Variants in STARD13 observed in about 807,000 individuals in gnomAD.
STARD13 encodes the protein stAR-related lipid transfer protein 13.
In STARD13, 62 loss-of-function variants were observed where a neutral mutation model predicts 106.4. The observed-to-expected ratio is 0.58, with a 90% CI of 0.48 to 0.72. STARD13 has a LOEUF of 0.72. Ranked by LOEUF, STARD13 falls within the 30% of genes least tolerant of loss-of-function variation. The pLI, the probability that STARD13 is intolerant of heterozygous loss-of-function variation, is 0.00. For missense variants in STARD13, 1,387 were observed against 1,424.0 expected (o/e 0.97, Z 0.42); for synonymous variants, 565 against 553.0 (o/e 1.02, Z -0.31).
chr13:33,153,200 T>C (rs962434981), intron 3 of STARD13, among the ~76,000 whole-genome samples: 1 of 152,176 alleles, frequency 6.6e-6, no homozygotes, highest in African/African-American at 2.4e-5. Context: ...TCCTGCTCAG[T>C]ACAAGGCCAT....
the STARD13 span, among the ~76,000 whole-genome samples, chr13:33,488,512 A>G: frequency 4.6e-5 from 7 of 152,174 alleles, no homozygotes; most frequent in South Asian, 2.1e-4. Flanking sequence ...AAAATCTTCA[A>G]TGGATCCCAA....
chr13:33,118,108 A>T lies in STARD13; in HGVS notation c.2238T>A (p.Leu746=), dbSNP rs757769631. The T allele has an allele frequency of 3.1e-6, 5 of 1,614,098 alleles. No homozygotes were observed. The highest frequency in any genetic ancestry group is 1.6e-4 in the Middle Eastern group (1 of 6,084). Residue 746 remains leucine (L), a synonymous_variant, in exon 8 of 14, where the codon CTT becomes CTA. Coordinates refer to ENST00000336934, the MANE Select transcript of STARD13 (RefSeq NM_178006.4). ...KQFFRDLPEP[L]FTNKLSETFL... is the part of the protein sequence containing the mutation. ...AGGTCTCACTGAGCTTGTTGGTGAA[A>T]AGAGGCTCAGGGAGGTCCCGGAAGA...
chr13:33,665,959 T>C, the STARD13 span, among the ~76,000 whole-genome samples: 1 of 152,176 alleles, frequency 6.6e-6, no homozygotes, highest in Non-Finnish European at 1.5e-5. Context: ...GTAGAATCCA[T>C]GCTTGACCAC....
At chr13:33,479,406 C>T in the STARD13 span, among the ~76,000 whole-genome samples, 1 of 152,018 alleles carries the variant, frequency 6.6e-6, no homozygotes, top group Non-Finnish European at 1.5e-5. Flanking sequence ...GACAAAAATG[C>T]AAAAAGACAG....
the STARD13 span, among the ~76,000 whole-genome samples, chr13:33,529,011 TTTA>T: frequency 2.0e-5 from 3 of 152,296 alleles, no homozygotes; most frequent in East Asian, 1.9e-4. Flanking sequence ...TAGGGTTTTA[TTTA>T]TTACTTCCTG....
chr13:33,181,098 T>C (rs1885184700), intron 1 of STARD13, among the ~76,000 whole-genome samples: 1 of 152,158 alleles, frequency 6.6e-6, no homozygotes, highest in Non-Finnish European at 1.5e-5. Flanking sequence ...ATGTGTGTGT[T>C]TACTCTACCT....
chr13:33,154,142 G>C (rs1392708692), intron 3 of STARD13, among the ~76,000 whole-genome samples: 2 of 152,166 alleles, frequency 1.3e-5, no homozygotes, highest in Non-Finnish European at 2.9e-5. Flanking sequence ...AACAATCACA[G>C]GCCATCCACA....
chr13:33,637,693 AT>A, the STARD13 span, among the ~76,000 whole-genome samples: 2 of 152,226 alleles, frequency 1.3e-5, no homozygotes, highest in African/African-American at 4.8e-5. Flanking sequence ...TTTGCAGCTC[AT>A]TCAAGGGCTA....
At chr13:33,335,914 T>C (rs906708957) in intron 1 of STARD13, among the ~76,000 whole-genome samples, 7 of 152,220 alleles carry the variant, frequency 4.6e-5, no homozygotes, top group East Asian at 1.9e-4. Flanking sequence ...CTTAGCACAG[T>C]GCCAGGAATA....
the STARD13 span, among the ~76,000 whole-genome samples, chr13:33,620,594 T>G: frequency 6.6e-6 from 1 of 152,060 alleles, no homozygotes; most frequent in African/African-American, 2.4e-5. Context: ...GAATATGCAT[T>G]CTTTTCAAGT....
chr13:33,373,689 C>T, the STARD13 span, among the ~76,000 whole-genome samples: 1 of 151,826 alleles, frequency 6.6e-6, no homozygotes, highest in Non-Finnish European at 1.5e-5. Context: ...TGAAAAGATG[C>T]TCAATATCTT....
the STARD13 span, among the ~76,000 whole-genome samples, chr13:33,639,966 G>A: frequency 1.3e-5 from 2 of 152,228 alleles, no homozygotes; most frequent in Admixed American, 6.5e-5. Flanking sequence ...TTTTTCTCTC[G>A]ACATTGGGTA....
intron 1 of STARD13, among the ~76,000 whole-genome samples, chr13:33,338,664 A>T (rs2077923064): frequency 1.3e-5 from 2 of 152,026 alleles, no homozygotes; most frequent in African/African-American, 4.8e-5. Flanking sequence ...GAATGAGTTT[A>T]TAAGATATAG....
chr13:33,563,753 G>T, the STARD13 span, among the ~76,000 whole-genome samples: 3 of 147,656 alleles, frequency 2.0e-5, no homozygotes, highest in Middle Eastern at 6.9e-3. Context: ...AAAAGCTTTT[G>T]CACAGCAAAG....
the STARD13 span, among the ~76,000 whole-genome samples, chr13:33,573,456 ATATTAT>A: frequency 6.6e-6 from 1 of 152,190 alleles, no homozygotes; most frequent in East Asian, 1.9e-4. Context: ...CTATGTAACA[ATATTAT>A]TAAAGTCTCC....
At chr13:33,133,556 C>T (rs1017839564) in intron 4 of STARD13, among the ~76,000 whole-genome samples, 6 of 151,608 alleles carry the variant, frequency 4.0e-5, no homozygotes, top group African/African-American at 1.5e-4. Flanking sequence ...CTGTTTCTTT[C>T]ACTAATGATG....
At chr13:33,307,564 A>C (rs1892957845) in intron 1 of STARD13, among the ~76,000 whole-genome samples, 2 of 152,182 alleles carry the variant, frequency 1.3e-5, no homozygotes, top group South Asian at 4.1e-4. Context: ...CAGGAACAGA[A>C]AACCAAACAA....
the STARD13 span, among the ~76,000 whole-genome samples, chr13:33,429,936 G>C: frequency 6.7e-6 from 1 of 150,032 alleles, no homozygotes; most frequent in Non-Finnish European, 1.5e-5. Context: ...TTGGGGGGGG[G>C]GGACGGAGTC....
chr13:33,244,742 G>A (rs766530494), intron 1 of STARD13, among the ~76,000 whole-genome samples: 9 of 152,158 alleles, frequency 5.9e-5, no homozygotes, highest in Non-Finnish European at 1.3e-4. Context: ...AGGCATCTGA[G>A]GGAGACACTA....
Sources: allele counts gnomAD v4.1 joint callset (sites outside exome capture counted in the v4.1 genomes callset), GRCh38; gene constraint gnomAD v4.1.1; transcripts MANE v1.5; gene names NCBI Gene and HGNC (gene_info 2026-07-23, HGNC 2026-07-21).